EXD1: variants seen among roughly 807,000 people sequenced by gnomAD.
EXD1 encodes exonuclease 3'-5' domain containing 1.
A neutral mutation model predicts 49.1 loss-of-function variants in EXD1; 63 were observed. That is an observed-to-expected ratio of 1.28 (90% CI 1.05 to 1.58). EXD1 has a LOEUF of 1.58. EXD1 is among the 40% of genes most tolerant of loss of function. The probability of loss-of-function intolerance (pLI) is 0.00; values close to 1 mark genes in which losing one functional copy is unlikely to be tolerated. For missense variants in EXD1, 748 were observed against 666.0 expected, an observed-to-expected ratio of 1.12 and a Z score of -1.36; for synonymous variants, 234 against 239.2, an observed-to-expected ratio of 0.98 and a Z score of 0.20.
intron 2 of EXD1, among the ~76,000 whole-genome samples, chr15:41,224,911 C>T (rs1206469277): frequency 3.3e-5 from 5 of 151,982 alleles, no homozygotes; most frequent in Non-Finnish European, 7.4e-5. Context: ...TGCAGCGAGC[C>T]GTGATCACAC....
intron 2 of EXD1, 23 bp downstream of exon 2, chr15:41,226,420 C>T: frequency 6.5e-7 from 1 of 1,534,648 alleles, no homozygotes; most frequent in Non-Finnish European, 8.7e-7. Context: ...AAAGGCAGAA[C>T]ATTATAAGAA....
At chr15:41,219,612 C>T (rs1314396661) in intron 3 of EXD1, 5 of 415,816 alleles carry the variant, frequency 1.2e-5, no homozygotes, top group Admixed American at 4.3e-5. Context: ...GGTCCGAGTC[C>T]GTAGTGATAA....
intron 7 of EXD1, among the ~76,000 whole-genome samples, chr15:41,200,841 G>A (rs894273425): frequency 6.6e-6 from 1 of 151,918 alleles, no homozygotes; most frequent in Non-Finnish European, 1.5e-5. Context: ...CATGTGTGAG[G>A]AAACAACCCC....
chr15:41,192,958 A>G (rs1024029199), intron 9 of EXD1, among the ~76,000 whole-genome samples: 1 of 151,532 alleles, frequency 6.6e-6, no homozygotes, highest in Admixed American at 6.6e-5. Flanking sequence ...CACCACGCCC[A>G]GCTAATTTTT....
intron 6 of EXD1, among the ~76,000 whole-genome samples, chr15:41,214,477 A>AGCC (rs1235136048): frequency 3.3e-5 from 5 of 151,110 alleles, no homozygotes; most frequent in African/African-American, 1.2e-4. Context: ...CACCCCACCG[A>AGCC]ACTCCAGCCT....
chr15:41,229,781 C>G (rs1260803217), intron 1 of EXD1, among the ~76,000 whole-genome samples: 2 of 152,022 alleles, frequency 1.3e-5, no homozygotes, highest in East Asian at 3.9e-4. Context: ...ACAACAACAA[C>G]AACAACAAAC....
rs565924680 is a variant in EXD1, at chr15:41,222,029, G to A, written c.134-2131C>T. On this transcript the variant is annotated intron_variant, in intron 2 of 11. Coordinates refer to ENST00000458580, the MANE Select transcript of EXD1 (RefSeq NM_001286441.2). ...GTAGAAGAATTGCTTGAACCCAGGC[G>A]TCAGAGGTTCCAGTGAGCCAAGATC... is the stretch of plus-strand genomic sequence containing the variant. Among the ~76,000 whole-genome samples the A allele has an allele frequency of 9.9e-5, 15 of 152,022 alleles. No homozygotes were observed. In the South Asian group the frequency reaches 2.3e-3, roughly 23 times the overall value.
At chr15:41,203,646 G>T (rs1420304817) in intron 7 of EXD1, among the ~76,000 whole-genome samples, 1 of 152,030 alleles carries the variant, frequency 6.6e-6, no homozygotes, top group Non-Finnish European at 1.5e-5. Context: ...GCCAGGTGTG[G>T]TGGCTCACAC....
intron 9 of EXD1, among the ~76,000 whole-genome samples, chr15:41,192,516 C>CGATCTCTT (rs1434754918): frequency 6.7e-6 from 1 of 148,504 alleles, no homozygotes; most frequent in Non-Finnish European, 1.5e-5. Context: ...AGGATAGTCT[C>CGATCTCTT]GATCTCTTGA....
In EXD1 at chr15:41,199,757, T is replaced by TATATGTAATATATC. The variant is rs770690755; in HGVS notation, c.535-3721_535-3720insGATATATTACATAT. On this transcript the variant is annotated intron_variant, in intron 7 of 11. Coordinates refer to ENST00000458580, the MANE Select transcript of EXD1 (RefSeq NM_001286441.2). ...TATATATGTCATATATTATATATGA[T>TATATGTAATATATC]ACATATATGATATATATGTCATATA... 5.5e-4 allele frequency among the ~76,000 whole-genome samples: 48 copies of TATATGTAATATATC among 87,246 alleles called. 2 individuals are homozygous for TATATGTAATATATC. The highest frequency in any genetic ancestry group is 2.0e-3 in the African/African-American group (46 of 23,156). The allele number at this position is 87,246 out of a possible 152,430, so 57.2% of individuals were successfully genotyped here.
rs2046358450 is a variant in EXD1 at position 41,183,831 on chromosome 15, A to T, written c.*100T>A. On this transcript the variant is annotated 3_prime_UTR_variant, in exon 12 of 12. Transcript: ENST00000458580. ...TATAATTTTCCCCTGTGACTGAAGC[A>T]TTACTACATTTACAACATGAGAAAC... The T allele has an allele frequency of 1.7e-6, 2 of 1,184,658 alleles. No homozygotes were observed. The highest frequency in any genetic ancestry group is 5.2e-5 in the Admixed American group (2 of 38,428). 73.4% of individuals were successfully genotyped at this position (1,184,658 alleles called of 1,614,324 possible). A position where few individuals can be genotyped will look rare whatever the true frequency, so the allele number is the denominator to read the frequency against.
chr15:41,203,368 T>C (rs1209018349), intron 7 of EXD1, among the ~76,000 whole-genome samples: 1 of 152,112 alleles, frequency 6.6e-6, no homozygotes, highest in Non-Finnish European at 1.5e-5. Context: ...AGTTCAGTAG[T>C]GGCCTGAAAA....
In EXD1 at chr15:41,230,616, T is replaced by A. The variant is rs2047227215; in HGVS notation, c.-191A>T. On this transcript the variant is annotated 5_prime_UTR_variant, in exon 1 of 12. Coordinates refer to ENST00000458580, the MANE Select transcript of EXD1 (RefSeq NM_001286441.2). ...AGAACTAAAAGAAGAGGGGCTGCAA[T>A]GAAGGAAGAAGTCTCGGGACGCTCC... The A allele has an allele frequency of 6.5e-7, 1 of 1,532,268 alleles. No homozygotes were observed. Among genetic ancestry groups the A allele is most frequent in the Non-Finnish European group, 9.0e-7 (1 of 1,113,832 alleles). 94.9% of individuals were successfully genotyped at this position (1,532,268 alleles called of 1,614,324 possible).
rs770690755 is a variant in EXD1 at position 41,199,757 on chromosome 15, T to TATACAATATATC, written c.535-3721_535-3720insGATATATTGTAT. ...TATATATGTCATATATTATATATGA[T>TATACAATATATC]ACATATATGATATATATGTCATATA... On this transcript the variant is annotated intron_variant, in intron 7 of 11. Transcript: ENST00000458580. 3.0e-4 allele frequency among the ~76,000 whole-genome samples: 26 copies of TATACAATATATC among 87,250 alleles called. 3 individuals are homozygous for TATACAATATATC. Among genetic ancestry groups the TATACAATATATC allele is most frequent in the African/African-American group, 7.8e-4 (18 of 23,158 alleles). 57.2% of individuals were successfully genotyped at this position (87,250 alleles called of 152,430 possible).
At chr15:41,220,948 T>C (rs951164392) in intron 2 of EXD1, among the ~76,000 whole-genome samples, 1 of 152,070 alleles carries the variant, frequency 6.6e-6, no homozygotes, top group African/African-American at 2.4e-5. Context: ...CCTCAAGTGA[T>C]CCTCCCACCT....
At chr15:41,226,915 G>C (rs1278741769) in intron 1 of EXD1, among the ~76,000 whole-genome samples, 1 of 152,110 alleles carries the variant, frequency 6.6e-6, no homozygotes. Context: ...AACATTTAGA[G>C]GCTTTTTAAT....
chr15:41,224,967 T>TA (rs11437857), intron 2 of EXD1, among the ~76,000 whole-genome samples: 43,641 of 149,046 alleles, frequency 0.29, 8,770 homozygotes, highest in African/African-American at 0.57. Flanking sequence ...GACTTTGTCT[T>TA]AAAAAAAAAA....
At position 41,184,532 on chromosome 15, in the gene EXD1, C is replaced by T. The variant is rs751280192; in HGVS notation, c.1118G>A (p.Arg373Lys). 1.2e-6 allele frequency: 2 copies of T among 1,612,448 alleles called. No homozygotes were observed. The highest frequency in any genetic ancestry group is 2.2e-5 in the East Asian group (1 of 44,902). Residue 373 changes from arginine (R) to lysine (K), a missense_variant, in exon 12 of 12, where the codon AGG (arginine) becomes AAG (lysine). Physicochemically the swap from Arg to Lys is conservative, Grantham distance 26. Coordinates refer to ENST00000458580, the MANE Select transcript of EXD1 (RefSeq NM_001286441.2). ...CCTATATTCTCTTGCAGCTTTCTCC[C>T]TGCGCTGCTTCTGGAAGTCCTTGAG... ...LQLKDFQKQR[R>K]EKAAREYRVN... is the part of the protein sequence containing the mutation.
At position 41,197,235 on chromosome 15, in the gene EXD1, T is replaced by C. The variant is rs538173765; in HGVS notation, c.535-1198A>G. On this transcript the variant is annotated intron_variant, in intron 7 of 11. Transcript: ENST00000458580. ...CACTGTGATTTTCTTTTTTCTTTTT[T>C]TTTTTTTTTTGAGACGGAGTCTTGC... Among the ~76,000 whole-genome samples, 131 of 151,126 alleles carry C rather than the reference T, an allele frequency of 8.7e-4. 1 individual carries two copies. Among genetic ancestry groups the C allele is most frequent in the African/African-American group, 2.8e-3 (117 of 41,312 alleles).
Sources: gnomAD v4.1 joint callset for allele counts (sites outside exome capture counted in the v4.1 genomes callset) on GRCh38, gnomAD v4.1.1 for gene constraint, MANE v1.5 for transcripts, NCBI Gene and HGNC (gene_info 2026-07-23, HGNC 2026-07-21) for gene names.